Variants in ARHGEF28 observed in about 807,000 individuals in gnomAD.
ARHGEF28 encodes the protein 190 kDa guanine nucleotide exchange factor.
In ARHGEF28, 152 loss-of-function variants were observed where a neutral mutation model predicts 206.6. The observed-to-expected ratio is 0.74, with a 90% CI of 0.64 to 0.84. The LOEUF is 0.84. Among genes scored for constraint, ARHGEF28 ranks in the 40% least tolerant of loss-of-function variants. ARHGEF28 has a pLI of 0.00. For synonymous variants in ARHGEF28, 763 were observed against 776.4 expected (o/e 0.98, Z 0.29); for missense variants, 2,028 against 2,073.2 (o/e 0.98, Z 0.42).
chr5:73,776,772 C>T (rs2112453048), intron 6 of ARHGEF28, 76 bp downstream of exon 6: 2 of 1,396,412 alleles, frequency 1.4e-6, no homozygotes, highest in South Asian at 3.6e-5. Flanking sequence ...ATTATGAGAA[C>T]AGTGTTTTTT....
At chr5:73,767,763 A>G (rs1183493480) in intron 4 of ARHGEF28, among the ~76,000 whole-genome samples, 1 of 152,212 alleles carries the variant, frequency 6.6e-6, no homozygotes, top group East Asian at 1.9e-4. Context: ...GGCTGCAGAA[A>G]TTTGTATAAG....
chr5:73,881,897 T>C (rs1363347830), intron 22 of ARHGEF28, among the ~76,000 whole-genome samples: 1 of 152,248 alleles, frequency 6.6e-6, no homozygotes, highest in Non-Finnish European at 1.5e-5. Context: ...TTCTGGTTAT[T>C]CACTGGTGTC....
At chr5:73,648,523 A>G (rs1171476072) in intron 1 of ARHGEF28, among the ~76,000 whole-genome samples, 2 of 152,258 alleles carry the variant, frequency 1.3e-5, no homozygotes, top group Non-Finnish European at 2.9e-5. Context: ...AAACTTATCA[A>G]TGATTTCTGG....
At chr5:73,894,661 G>A in intron 29 of ARHGEF28, 86 bp downstream of exon 29, 2 of 1,453,928 alleles carry the variant, frequency 1.4e-6, no homozygotes, top group Non-Finnish European at 1.8e-6. Context: ...TGTGGTCTTG[G>A]TGCTGAGGAT....
intron 1 of ARHGEF28, among the ~76,000 whole-genome samples, chr5:73,671,366 G>T (rs1004234100): frequency 6.6e-6 from 1 of 151,904 alleles, no homozygotes; most frequent in Non-Finnish European, 1.5e-5. Flanking sequence ...TACCTTAAAC[G>T]TTGATAGATT....
At chr5:73,812,051 G>A (rs750117480) in intron 9 of ARHGEF28, among the ~76,000 whole-genome samples, 74 of 149,956 alleles carry the variant, frequency 4.9e-4, no homozygotes, top group Non-Finnish European at 3.4e-4. Context: ...TGCAATGTTT[G>A]TAACTATACT....
At chr5:73,783,692 A>C (rs1753984318) in intron 7 of ARHGEF28, among the ~76,000 whole-genome samples, 1 of 152,180 alleles carries the variant, frequency 6.6e-6, no homozygotes, top group African/African-American at 2.4e-5. Context: ...ATTGGCTGTC[A>C]GTGGTAAGGG....
chr5:73,927,586 TG>T (rs2112005561), intron 35 of ARHGEF28, among the ~76,000 whole-genome samples: 1 of 152,292 alleles, frequency 6.6e-6, no homozygotes, highest in South Asian at 2.1e-4. Context: ...CTGAGACTCC[TG>T]GGTTCAAGTG....
chr5:73,865,431 C>T (rs1013626501), intron 17 of ARHGEF28, among the ~76,000 whole-genome samples: 1 of 152,126 alleles, frequency 6.6e-6, no homozygotes, highest in Non-Finnish European at 1.5e-5. Flanking sequence ...CCTTTCTTTT[C>T]CACTCAGTAG....
At chr5:73,635,342 C>T (rs1230596555) in intron 1 of ARHGEF28, among the ~76,000 whole-genome samples, 2 of 151,610 alleles carry the variant, frequency 1.3e-5, no homozygotes, top group Non-Finnish European at 2.9e-5. Flanking sequence ...GAAACTCCAT[C>T]TCAAAAAAAA....
rs531176899 is a variant in ARHGEF28 at position 73,874,495 on chromosome 5, T to C, written c.2814+1249T>C. ...TTACATATGTATACATGTGCCAAGC[T>C]GGTGTGCTGCACCCTTTAACTCGTC... On this transcript the variant is annotated intron_variant, in intron 22 of 35. Coordinates refer to ENST00000513042, the MANE Select transcript of ARHGEF28 (RefSeq NM_001177693.2). Among the ~76,000 whole-genome samples, 381 of 151,314 alleles carry C rather than the reference T, an allele frequency of 2.5e-3. 2 individuals carry two copies. Among genetic ancestry groups the C allele is most frequent in the African/African-American group, 9.0e-3 (371 of 41,242 alleles).
rs76958816 is a variant in ARHGEF28 at position 73,896,976 on chromosome 5, A to G, written c.3842-986A>G. On this transcript the variant is annotated intron_variant, in intron 29 of 35. Transcript: ENST00000513042. The stretch of plus-strand genomic sequence containing the variant: ...CCATCCAGCCCCATTTGCAGCCGAA[A>G]GATGGAGCAGGAGTTCTTATCAGAG... Among the ~76,000 whole-genome samples, 1,187 of 152,342 alleles carry G rather than the reference A, an allele frequency of 7.8e-3. 12 individuals carry two copies. The highest frequency in any genetic ancestry group is 0.028 in the African/African-American group (1,151 of 41,574).
chr5:73,809,971 A>G (rs1167729078), intron 9 of ARHGEF28, among the ~76,000 whole-genome samples: 1 of 152,236 alleles, frequency 6.6e-6, no homozygotes, highest in African/African-American at 2.4e-5. Flanking sequence ...TGTAAATAGC[A>G]TCTTGAATTA....
chr5:73,753,864 C>T (rs769696563), intron 4 of ARHGEF28, among the ~76,000 whole-genome samples: 2 of 152,156 alleles, frequency 1.3e-5, no homozygotes, highest in Non-Finnish European at 2.9e-5. Flanking sequence ...GAGATGGGGT[C>T]TCACTGTGTT....
At chr5:73,703,879 T>C (rs1029471709) in intron 2 of ARHGEF28, among the ~76,000 whole-genome samples, 8 of 151,754 alleles carry the variant, frequency 5.3e-5, no homozygotes, top group Non-Finnish European at 8.8e-5. Flanking sequence ...CTACTAAAAA[T>C]ACAAAAATGT....
chr5:73,765,968 T>C (rs1752872613), intron 4 of ARHGEF28, among the ~76,000 whole-genome samples: 1 of 152,142 alleles, frequency 6.6e-6, no homozygotes. Flanking sequence ...TTGGCTAACA[T>C]GGTGAAACCC....
At chr5:73,648,939 G>A (rs1744616945) in intron 1 of ARHGEF28, among the ~76,000 whole-genome samples, 2 of 152,226 alleles carry the variant, frequency 1.3e-5, no homozygotes, top group South Asian at 2.1e-4. Context: ...CTTCAATCAG[G>A]CAGTGCCATC....
chr5:73,871,662 T>C (rs1165643437), intron 21 of ARHGEF28, among the ~76,000 whole-genome samples: 1 of 152,202 alleles, frequency 6.6e-6, no homozygotes, highest in Non-Finnish European at 1.5e-5. Flanking sequence ...ATCTAGTAGT[T>C]TTTAGTATAT....
At chr5:73,828,150 T>C (rs1270511879) in intron 9 of ARHGEF28, 1 of 152,216 alleles carries the variant, frequency 6.6e-6, no homozygotes, top group East Asian at 1.9e-4. Flanking sequence ...TCAATATACG[T>C]AGCTGATGTT....
Sources: allele counts gnomAD v4.1 joint callset (sites outside exome capture counted in the v4.1 genomes callset), GRCh38; gene constraint gnomAD v4.1.1; transcripts MANE v1.5; gene names NCBI Gene and HGNC (gene_info 2026-07-23, HGNC 2026-07-21).